The following CNTNAP5 variants were observed in gnomAD, a reference collection of about 807,000 sequenced individuals.
The protein encoded by CNTNAP5 is contactin associated protein family member 5.
CNTNAP5 carries 72 observed loss-of-function variants against 150.2 expected under a neutral mutation model. That is an observed-to-expected ratio of 0.48 (90% CI 0.40 to 0.58). The LOEUF (loss-of-function observed/expected upper bound fraction) is 0.58. CNTNAP5 is among the 20% of genes least tolerant of loss of function. The pLI is 0.00. For synonymous variants in CNTNAP5, 672 were observed against 619.8 expected, an observed-to-expected ratio of 1.08 and a Z score of -1.25; for missense variants, 1,636 against 1,626.2, an observed-to-expected ratio of 1.01 and a Z score of -0.10.
At chr2:124,236,998 G>A (rs747706836) in intron 2 of CNTNAP5, among the ~76,000 whole-genome samples, 1 of 152,154 alleles carries the variant, frequency 6.6e-6, no homozygotes, top group African/African-American at 2.4e-5. Context: ...GTGTAGTGGC[G>A]GGCATCTGTA....
chr2:124,353,413 G>C (rs1689923391), intron 3 of CNTNAP5, among the ~76,000 whole-genome samples: 1 of 151,600 alleles, frequency 6.6e-6, no homozygotes, highest in African/African-American at 2.4e-5. Context: ...AGATTATTAG[G>C]CTGGAGGAGC....
At chr2:124,768,347 T>C (rs1013948573) in intron 16 of CNTNAP5, among the ~76,000 whole-genome samples, 1 of 149,322 alleles carries the variant, frequency 6.7e-6, no homozygotes, top group Non-Finnish European at 1.5e-5. Context: ...TGTATAAATA[T>C]GAGAGAAAAG....
chr2:124,424,958 G>A (rs1279365863), intron 4 of CNTNAP5, among the ~76,000 whole-genome samples: 1 of 152,158 alleles, frequency 6.6e-6, no homozygotes, highest in Non-Finnish European at 1.5e-5. Context: ...TTTGACTGGC[G>A]ATATTGCTAT....
intron 1 of CNTNAP5, among the ~76,000 whole-genome samples, chr2:124,117,520 AAGTT>A (rs1171020495): frequency 6.6e-6 from 1 of 152,186 alleles, no homozygotes; most frequent in Non-Finnish European, 1.5e-5. Context: ...TTGGGGTAAA[AAGTT>A]AGGTTGGGAA....
chr2:124,402,299 G>A (rs1691444933), intron 3 of CNTNAP5, among the ~76,000 whole-genome samples: 1 of 152,154 alleles, frequency 6.6e-6, no homozygotes, highest in Admixed American at 6.5e-5. Context: ...GGCTGGGAAT[G>A]AGGAAGCACT....
intron 14 of CNTNAP5, among the ~76,000 whole-genome samples, chr2:124,756,684 C>T (rs914683158): frequency 3.9e-5 from 6 of 152,088 alleles, no homozygotes; most frequent in South Asian, 2.1e-4. Flanking sequence ...AATACTGCAT[C>T]TTCTCACTTA....
At chr2:124,140,134 T>A (rs542028422) in intron 1 of CNTNAP5, among the ~76,000 whole-genome samples, 27 of 150,244 alleles carry the variant, frequency 1.8e-4, no homozygotes, top group Admixed American at 9.9e-4. Context: ...GCTCAGAGGG[T>A]CCTACACCCA....
intron 6 of CNTNAP5, among the ~76,000 whole-genome samples, chr2:124,462,171 A>T (rs1281367106): frequency 6.6e-6 from 1 of 152,020 alleles, no homozygotes; most frequent in Non-Finnish European, 1.5e-5. Context: ...ATTTGAGCCC[A>T]GGTCTGTGTG....
At chr2:124,143,914 T>C (rs940109280) in intron 1 of CNTNAP5, among the ~76,000 whole-genome samples, 7 of 137,410 alleles carry the variant, frequency 5.1e-5, no homozygotes, top group African/African-American at 1.4e-4. Context: ...GCCCAAAATC[T>C]CCTTAAGCTG....
chr2:124,062,607 T>A (rs1323834663), intron 1 of CNTNAP5, among the ~76,000 whole-genome samples: 2 of 152,176 alleles, frequency 1.3e-5, no homozygotes, highest in African/African-American at 4.8e-5. Flanking sequence ...CAGAGCATAG[T>A]AGATGCTCAA....
chr2:124,237,751 C>G (rs962274943), intron 2 of CNTNAP5, among the ~76,000 whole-genome samples: 1 of 152,038 alleles, frequency 6.6e-6, no homozygotes, highest in Non-Finnish European at 1.5e-5. Context: ...TTGGGAGAAT[C>G]GCGTCAACCC....
intron 11 of CNTNAP5, among the ~76,000 whole-genome samples, chr2:124,592,737 T>C (rs929592315): frequency 1.3e-5 from 2 of 151,094 alleles, no homozygotes; most frequent in African/African-American, 4.9e-5. Context: ...TTATGTGTTT[T>C]AGATTTATTT....
At chr2:124,813,741 C>A (rs555332757) in intron 19 of CNTNAP5, among the ~76,000 whole-genome samples, 1 of 151,934 alleles carries the variant, frequency 6.6e-6, no homozygotes, top group Admixed American at 6.5e-5. Flanking sequence ...ACAAGCATCA[C>A]TCTTCTTTTC....
chr2:124,427,503 C>G (rs1692267268), intron 4 of CNTNAP5, among the ~76,000 whole-genome samples: 1 of 152,006 alleles, frequency 6.6e-6, no homozygotes, highest in African/African-American at 2.4e-5. Flanking sequence ...GTCACCCAGG[C>G]TAGAGTGCAG....
chr2:124,525,542 C>A (rs1279545381), intron 9 of CNTNAP5, among the ~76,000 whole-genome samples: 1 of 152,210 alleles, frequency 6.6e-6, no homozygotes, highest in African/African-American at 2.4e-5. Flanking sequence ...CAGATCACTT[C>A]TCTCATACCA....
intron 19 of CNTNAP5, among the ~76,000 whole-genome samples, chr2:124,843,219 G>T (rs1382555329): frequency 6.6e-6 from 1 of 152,046 alleles, no homozygotes; most frequent in African/African-American, 2.4e-5. Flanking sequence ...CAGGCATTTA[G>T]GTTGCTGTAA....
chr2:124,179,702 A>G (rs370238282), intron 1 of CNTNAP5, among the ~76,000 whole-genome samples: 8 of 152,184 alleles, frequency 5.3e-5, no homozygotes, highest in African/African-American at 1.9e-4. Context: ...ACGGCATGGA[A>G]GGGGTTGGGT....
At chr2:124,376,690 T>C (rs1338954586) in intron 3 of CNTNAP5, among the ~76,000 whole-genome samples, 1 of 152,124 alleles carries the variant, frequency 6.6e-6, no homozygotes, top group East Asian at 1.9e-4. Flanking sequence ...CATGCTAATA[T>C]CCAATTTTGT....
chr2:124,254,867 G>A (rs1404669051), intron 3 of CNTNAP5, among the ~76,000 whole-genome samples: 2 of 152,164 alleles, frequency 1.3e-5, no homozygotes, highest in African/African-American at 2.4e-5. Flanking sequence ...ATTTCTAGAA[G>A]CATGCAGTTG....
Sources: allele counts gnomAD v4.1 joint callset (sites outside exome capture counted in the v4.1 genomes callset), GRCh38; gene constraint gnomAD v4.1.1; transcripts MANE v1.5; gene names NCBI Gene and HGNC (gene_info 2026-07-23, HGNC 2026-07-21).